Variants in ODAD2 observed in about 807,000 individuals in gnomAD.
ODAD2 encodes outer dynein arm docking complex subunit 2, also known as outer dynein arm-docking complex subunit 2.
ODAD2 carries 89 observed loss-of-function variants against 106.8 expected under a neutral mutation model. The observed-to-expected ratio is 0.83, with a 90% CI of 0.70 to 0.99. The LOEUF (loss-of-function observed/expected upper bound fraction) is 0.99. Ranked by LOEUF, ODAD2 falls within the 50% of genes least tolerant of loss-of-function variation. The pLI, the probability that ODAD2 is intolerant of heterozygous loss-of-function variation, is 0.00. For missense variants in ODAD2, 1,168 were observed against 1,238.5 expected (o/e 0.94, Z 0.85); for synonymous variants, 404 against 436.2 (o/e 0.93, Z 0.92).
intron 17 of ODAD2, among the ~76,000 whole-genome samples, chr10:27,897,452 A>C (rs1237606712): frequency 6.6e-6 from 1 of 152,184 alleles, no homozygotes; most frequent in African/African-American, 2.4e-5. Flanking sequence ...AAAGAAAAAA[A>C]ATCCAAAATT....
intron 16 of ODAD2, among the ~76,000 whole-genome samples, chr10:27,933,972 G>C (rs1223937391): frequency 6.6e-6 from 1 of 152,114 alleles, no homozygotes; most frequent in South Asian, 2.1e-4. Context: ...GAATTCCCAC[G>C]TGTTGTGGGA....
At chr10:27,938,291 T>C (rs1846137763) in intron 14 of ODAD2, among the ~76,000 whole-genome samples, 1 of 152,124 alleles carries the variant, frequency 6.6e-6, no homozygotes, top group South Asian at 2.1e-4. Context: ...TAAGGCTAAA[T>C]GGCCTCTTCA....
chr10:27,828,828 T>C (rs888504080), intron 19 of ODAD2, among the ~76,000 whole-genome samples: 1 of 152,106 alleles, frequency 6.6e-6, no homozygotes, highest in Non-Finnish European at 1.5e-5. Context: ...TTGTTTAATA[T>C]AAGAAAAAAG....
intron 17 of ODAD2, among the ~76,000 whole-genome samples, chr10:27,882,151 G>C (rs1173437001): frequency 2.9e-5 from 4 of 139,274 alleles, no homozygotes; most frequent in African/African-American, 1.1e-4. Flanking sequence ...CTGGGTGACA[G>C]AGTGAGACCT....
At chr10:27,816,447 C>T (rs920096499) in intron 19 of ODAD2, among the ~76,000 whole-genome samples, 1 of 152,024 alleles carries the variant, frequency 6.6e-6, no homozygotes, top group Non-Finnish European at 1.5e-5. Context: ...AGGCATAACA[C>T]AGAGGAAATA....
At chr10:27,823,704 C>T (rs1289323838) in intron 19 of ODAD2, among the ~76,000 whole-genome samples, 2 of 152,188 alleles carry the variant, frequency 1.3e-5, no homozygotes, top group Non-Finnish European at 2.9e-5. Context: ...TTCTCTGCTA[C>T]AGTTCCTGTT....
intron 9 of ODAD2, among the ~76,000 whole-genome samples, chr10:27,965,980 T>C (rs192807022): frequency 2.0e-5 from 3 of 152,340 alleles, no homozygotes; most frequent in East Asian, 3.9e-4. Context: ...CTCTGCTCTC[T>C]TCAACTCCCA....
intron 19 of ODAD2, among the ~76,000 whole-genome samples, chr10:27,831,934 G>T (rs1227252388): frequency 6.6e-6 from 1 of 152,222 alleles, no homozygotes; most frequent in Admixed American, 6.5e-5. Flanking sequence ...CTACCTGAGG[G>T]TCACCCTTCT....
At chr10:27,961,815 A>C (rs1848163773) in intron 9 of ODAD2, 100 bp from the exon 10 acceptor site, 2 of 1,018,578 alleles carry the variant, frequency 2.0e-6, no homozygotes, top group Non-Finnish European at 2.9e-6. Flanking sequence ...CTATAATCTC[A>C]GTGCTTTGGG....
At chr10:27,905,769 G>C (rs1843544280) in intron 17 of ODAD2, among the ~76,000 whole-genome samples, 1 of 152,144 alleles carries the variant, frequency 6.6e-6, no homozygotes, top group African/African-American at 2.4e-5. Context: ...AATGGGGAAA[G>C]GATTCCCTAT....
At chr10:27,847,157 T>C (rs4382805) in intron 19 of ODAD2, among the ~76,000 whole-genome samples, 146,143 of 152,172 alleles carry the variant, frequency 0.96, 70,166 homozygotes, top group East Asian at 1. Flanking sequence ...TGATGAACAT[T>C]GATGCAAAAA....
chr10:27,878,690 T>A (rs1311820533), intron 17 of ODAD2, among the ~76,000 whole-genome samples: 1 of 152,126 alleles, frequency 6.6e-6, no homozygotes, highest in East Asian at 1.9e-4. Flanking sequence ...GTCAGAGAAG[T>A]GAAAACTGAA....
Position 27,984,005 on chromosome 10 carries a change from C to T in ODAD2, c.683-26G>A, listed in dbSNP as rs570757745. On this transcript the variant is annotated intron_variant, in intron 5 of 19. Coordinates refer to ENST00000305242, the MANE Select transcript of ODAD2 (RefSeq NM_018076.5). Reference sequence around the variant, plus strand: ...CTGAAACCAATCATCAAGCAATTAACAGGAGTTCCTTAACCTAGAGTTTGG... The same window carrying T: ...CTGAAACCAATCATCAAGCAATTAATAGGAGTTCCTTAACCTAGAGTTTGG... The T allele has an allele frequency of 1.4e-5, 23 of 1,602,456 alleles. No individual in the cohort carries two copies. In the South Asian group the frequency reaches 2.3e-4, roughly 16 times the overall value.
At chr10:27,824,829 G>T (rs1211531984) in intron 19 of ODAD2, among the ~76,000 whole-genome samples, 2 of 152,104 alleles carry the variant, frequency 1.3e-5, no homozygotes, top group East Asian at 3.8e-4. Context: ...GAGACTATTT[G>T]GAAATAGATT....
intron 19 of ODAD2, among the ~76,000 whole-genome samples, chr10:27,856,633 G>A (rs866955918): frequency 6.6e-6 from 1 of 152,146 alleles, no homozygotes; most frequent in Admixed American, 6.6e-5. Flanking sequence ...GTCTGGCAAG[G>A]AAACCGCTAG....
chr10:27,834,717 G>A (rs1837732344), intron 19 of ODAD2, among the ~76,000 whole-genome samples: 1 of 152,190 alleles, frequency 6.6e-6, no homozygotes, highest in Non-Finnish European at 1.5e-5. Flanking sequence ...GTATCTGCTT[G>A]CAGAAAAGGC....
chr10:27,976,585 A>G (rs188036014), intron 7 of ODAD2, among the ~76,000 whole-genome samples: 14 of 152,330 alleles, frequency 9.2e-5, no homozygotes, highest in African/African-American at 3.4e-4. Flanking sequence ...CATTGGTGAG[A>G]GAATTTAACT....
At chr10:27,966,128 AG>A (rs1848472254) in intron 9 of ODAD2, among the ~76,000 whole-genome samples, 1 of 125,644 alleles carries the variant, frequency 8.0e-6, no homozygotes, top group South Asian at 2.8e-4. Flanking sequence ...TGGCACAGAG[AG>A]CCCCAATTTT....
At chr10:27,942,297 T>G (rs749286883) in intron 12 of ODAD2, among the ~76,000 whole-genome samples, 23 of 152,238 alleles carry the variant, frequency 1.5e-4, no homozygotes, top group Non-Finnish European at 3.1e-4. Flanking sequence ...GTTGTTTTGA[T>G]GAATCTTTCT....
Sources: allele counts gnomAD v4.1 joint callset (sites outside exome capture counted in the v4.1 genomes callset), GRCh38; gene constraint gnomAD v4.1.1; transcripts MANE v1.5; gene names NCBI Gene and HGNC (gene_info 2026-07-23, HGNC 2026-07-21).